Variants in SHROOM3 observed in about 807,000 individuals in gnomAD.
The protein encoded by SHROOM3 is protein Shroom3.
Under a neutral mutation model 138.6 loss-of-function variants are expected in SHROOM3, and 47 were observed. The ratio of observed to expected loss-of-function variants is 0.34; its 90% CI spans 0.27 to 0.43. The LOEUF (loss-of-function observed/expected upper bound fraction) is 0.43, where lower values mean the gene tolerates loss of function less well. SHROOM3 is among the 20% of genes least tolerant of loss of function. The probability of loss-of-function intolerance (pLI) is 1.00; values close to 1 mark genes in which losing one functional copy is unlikely to be tolerated. For synonymous variants in SHROOM3, 1,062 were observed against 1,063.3 expected (o/e 1.00, Z 0.02); for missense variants, 2,491 against 2,596.5 (o/e 0.96, Z 0.88).
chr4:76,668,336 A>C (rs1560585378), intron 2 of SHROOM3, among the ~76,000 whole-genome samples: 1 of 152,036 alleles, frequency 6.6e-6, no homozygotes, highest in Non-Finnish European at 1.5e-5. Context: ...TGAGGCAGGC[A>C]GATCACCTGA....
intron 1 of SHROOM3, among the ~76,000 whole-genome samples, chr4:76,525,117 T>C (rs1732662753): frequency 6.6e-6 from 1 of 152,214 alleles, no homozygotes; most frequent in South Asian, 2.1e-4. Flanking sequence ...TCTGTTCTTA[T>C]GCTGCTCTAA....
At chr4:76,770,360 A>C (rs1722319472) in intron 9 of SHROOM3, among the ~76,000 whole-genome samples, 1 of 150,468 alleles carries the variant, frequency 6.6e-6, no homozygotes. Flanking sequence ...AACAGAAGAC[A>C]AAGCTGTACA....
At chr4:76,694,810 C>T (rs917990393) in intron 2 of SHROOM3, among the ~76,000 whole-genome samples, 1 of 152,216 alleles carries the variant, frequency 6.6e-6, no homozygotes, top group Non-Finnish European at 1.5e-5. Context: ...GAGTCAAGCA[C>T]TGTCTAATAC....
intron 5 of SHROOM3, among the ~76,000 whole-genome samples, chr4:76,747,870 G>C (rs1253451229): frequency 2.0e-5 from 3 of 152,140 alleles, no homozygotes; most frequent in African/African-American, 4.8e-5. Flanking sequence ...GCAAGACCTT[G>C]GGCTTTGAAG....
intron 2 of SHROOM3, among the ~76,000 whole-genome samples, chr4:76,651,986 A>G (rs533997427): frequency 6.6e-6 from 1 of 152,314 alleles, no homozygotes; most frequent in South Asian, 2.1e-4. Context: ...AAAGCTGGTC[A>G]TTCCTATTTA....
At chr4:76,700,052 G>A (rs767707053) in intron 2 of SHROOM3, among the ~76,000 whole-genome samples, 10 of 152,112 alleles carry the variant, frequency 6.6e-5, no homozygotes, top group Non-Finnish European at 8.8e-5. Context: ...GTGTCCACTC[G>A]GCATATTTTT....
chr4:76,516,090 G>A (rs541333144), intron 1 of SHROOM3, among the ~76,000 whole-genome samples: 10 of 152,294 alleles, frequency 6.6e-5, no homozygotes, highest in African/African-American at 1.9e-4. Context: ...GCAGTAGACC[G>A]AGAGGGAAAG....
intron 10 of SHROOM3, 132 bp from the exon 11 acceptor site, chr4:76,778,677 T>C (rs1722653208): frequency 8.1e-7 from 1 of 1,235,134 alleles, no homozygotes; most frequent in South Asian, 1.3e-5. Context: ...AAAGTTAGCC[T>C]CCTTACTTAG....
At chr4:76,442,558 C>T (rs976979095) in intron 1 of SHROOM3, among the ~76,000 whole-genome samples, 1 of 151,886 alleles carries the variant, frequency 6.6e-6, no homozygotes, top group Non-Finnish European at 1.5e-5. Context: ...TATAGGCGTC[C>T]GCCACCACGC....
At chr4:76,648,517 T>G (rs1475465453) in intron 2 of SHROOM3, among the ~76,000 whole-genome samples, 1 of 145,860 alleles carries the variant, frequency 6.9e-6, no homozygotes, top group Non-Finnish European at 1.5e-5. Flanking sequence ...TTTTTTTTTT[T>G]AGCAGCCTCC....
At chr4:76,467,418 C>T (rs10008932) in intron 1 of SHROOM3, among the ~76,000 whole-genome samples, 2,118 of 152,198 alleles carry the variant, frequency 0.014, 51 homozygotes, top group African/African-American at 0.048. Context: ...AAATCGCATG[C>T]GTTTGTGGTC....
At chr4:76,679,277 C>T (rs1307047422) in intron 2 of SHROOM3, among the ~76,000 whole-genome samples, 2 of 152,204 alleles carry the variant, frequency 1.3e-5, no homozygotes, top group Admixed American at 6.5e-5. Flanking sequence ...CCACCCACTG[C>T]CCTCCAGGCA....
At chr4:76,768,690 T>G (rs1373684184) in intron 9 of SHROOM3, among the ~76,000 whole-genome samples, 1 of 152,142 alleles carries the variant, frequency 6.6e-6, no homozygotes, top group Non-Finnish European at 1.5e-5. Context: ...TTTGTATTTT[T>G]TTCAGTAGAG....
chr4:76,472,918 C>T (rs1039397726), intron 1 of SHROOM3, among the ~76,000 whole-genome samples: 1 of 152,186 alleles, frequency 6.6e-6, no homozygotes, highest in African/African-American at 2.4e-5. Context: ...TGGTCTCAAA[C>T]TCCTGACCTT....
intron 1 of SHROOM3, among the ~76,000 whole-genome samples, chr4:76,478,286 G>A (rs575240303): frequency 6.6e-6 from 1 of 152,312 alleles, no homozygotes; most frequent in African/African-American, 2.4e-5. Context: ...CTCAAGTTTG[G>A]TGGGGGGAGG....
intron 2 of SHROOM3, among the ~76,000 whole-genome samples, chr4:76,617,932 C>T (rs1020200451): frequency 6.6e-6 from 1 of 152,230 alleles, no homozygotes; most frequent in African/African-American, 2.4e-5. Context: ...ATGTATACAT[C>T]TATCTCCACA....
chr4:76,634,504 T>A (rs952765055), intron 2 of SHROOM3, among the ~76,000 whole-genome samples: 1 of 152,204 alleles, frequency 6.6e-6, no homozygotes, highest in Non-Finnish European at 1.5e-5. Flanking sequence ...GCCAATCAGA[T>A]CACTTTCAAC....
At chr4:76,576,146 G>C (rs763707662) in intron 2 of SHROOM3, among the ~76,000 whole-genome samples, 5 of 152,010 alleles carry the variant, frequency 3.3e-5, no homozygotes, top group African/African-American at 1.2e-4. Flanking sequence ...CCCACTATGG[G>C]GTATATACCC....
At position 76,761,090 on chromosome 4, in the gene SHROOM3, T is replaced by C. The variant is rs1007131740; in HGVS notation, c.5349+1395T>C. 2.6e-5 allele frequency among the ~76,000 whole-genome samples: 4 copies of C among 152,178 alleles called. No homozygotes were observed. The South Asian group carries it at 6.2e-4, about 24-fold the overall frequency. The stretch of plus-strand genomic sequence containing the variant: ...TAGGCAGGTTTGTTACAAAGGTATA[T>C]TGCATGATCCTGAGGCTTGCTGTAT... On this transcript the variant is annotated intron_variant, in intron 9 of 10. Coordinates refer to ENST00000296043, the MANE Select transcript of SHROOM3 (RefSeq NM_020859.4).
Sources: gnomAD v4.1 joint callset for allele counts (sites outside exome capture counted in the v4.1 genomes callset) on GRCh38, gnomAD v4.1.1 for gene constraint, MANE v1.5 for transcripts, NCBI Gene and HGNC (gene_info 2026-07-23, HGNC 2026-07-21) for gene names.